Variants in PDE8B observed in about 807,000 individuals in gnomAD.
PDE8B encodes the protein phosphodiesterase 8B, also known as high affinity cAMP-specific and IBMX-insensitive 3',5'-cyclic phosphodiesterase 8B.
PDE8B carries 26 observed loss-of-function variants against 101.3 expected under a neutral mutation model. That is an observed-to-expected ratio of 0.26 (90% CI 0.19 to 0.36). The LOEUF (loss-of-function observed/expected upper bound fraction) is 0.36, where lower values mean the gene tolerates loss of function less well. PDE8B is among the 10% of genes least tolerant of loss of function. The pLI, the probability that PDE8B is intolerant of heterozygous loss-of-function variation, is 1.00. For synonymous variants in PDE8B, 424 were observed against 429.3 expected (o/e 0.99, Z 0.15); for missense variants, 810 against 1,163.1 (o/e 0.70, Z 4.42).
Position 77,329,265 on chromosome 5 carries a change from G to A in PDE8B, c.650+208G>A, listed in dbSNP as rs75875621. Among the ~76,000 whole-genome samples the A allele has an allele frequency of 5.1e-3, 773 of 152,162 alleles. 6 individuals are homozygous for A. Among genetic ancestry groups the A allele is most frequent in the African/African-American group, 0.018 (734 of 41,496 alleles). ...GTTTTTCTCTGTATCTTGTGTAATT[G>A]CCTTTAGCACCTAGTCATACACCTC... On this transcript the variant is annotated intron_variant, in intron 4 of 21. Transcript: ENST00000264917.
intron 10 of PDE8B, among the ~76,000 whole-genome samples, chr5:77,366,387 G>A (rs969139666): frequency 3.3e-5 from 5 of 152,240 alleles, no homozygotes; most frequent in African/African-American, 1.2e-4. Flanking sequence ...TTCTGGGTAA[G>A]CAGTTGAGGG....
At chr5:77,305,656 G>T (rs1214592800) in intron 1 of PDE8B, among the ~76,000 whole-genome samples, 1 of 152,166 alleles carries the variant, frequency 6.6e-6, no homozygotes, top group Non-Finnish European at 1.5e-5. Context: ...CATTAAAAAG[G>T]CAAAAGGCAG....
intron 1 of PDE8B, chr5:77,290,875 C>T: frequency 6.3e-7 from 1 of 1,593,212 alleles, no homozygotes; most frequent in South Asian, 1.1e-5. Context: ...GTGGCTGTCA[C>T]AAAGATAATA....
intron 5 of PDE8B, among the ~76,000 whole-genome samples, chr5:77,333,329 T>G (rs943080009): frequency 6.6e-6 from 1 of 152,214 alleles, no homozygotes; most frequent in African/African-American, 2.4e-5. Context: ...AAAGAAGCCA[T>G]GTGGTTGAGA....
the PDE8B span, among the ~76,000 whole-genome samples, chr5:77,158,723 C>A: frequency 6.6e-6 from 1 of 152,124 alleles, no homozygotes; most frequent in Non-Finnish European, 1.5e-5. Flanking sequence ...TCCAGGACTC[C>A]AGGTTTTCCT....
intron 2 of PDE8B, among the ~76,000 whole-genome samples, chr5:77,318,055 CAAAAAAAAA>C (rs55952764): frequency 7.3e-4 from 42 of 57,188 alleles, no homozygotes; most frequent in African/African-American, 2.9e-3. Context: ...GACTCCATCT[CAAAAAAAAA>C]AAAAAAAAAA....
intron 1 of PDE8B, among the ~76,000 whole-genome samples, chr5:77,221,621 A>G (rs1473743744): frequency 2.6e-5 from 4 of 152,182 alleles, no homozygotes; most frequent in Non-Finnish European, 5.9e-5. Context: ...GTGATATGCT[A>G]TCATTTTGTC....
At chr5:77,298,319 G>C (rs750803517) in intron 1 of PDE8B, among the ~76,000 whole-genome samples, 1 of 152,122 alleles carries the variant, frequency 6.6e-6, no homozygotes, top group Non-Finnish European at 1.5e-5. Flanking sequence ...AGGGCTGTGG[G>C]CTCAGCCACA....
intron 10 of PDE8B, among the ~76,000 whole-genome samples, chr5:77,369,195 C>G (rs1444318608): frequency 4.5e-5 from 5 of 112,020 alleles, no homozygotes; most frequent in Non-Finnish European, 8.5e-5. Context: ...AGAGCGAGTC[C>G]ACTGTCTCAA....
chr5:77,286,370 G>T (rs946903302), intron 1 of PDE8B, among the ~76,000 whole-genome samples: 3 of 152,156 alleles, frequency 2.0e-5, no homozygotes, highest in African/African-American at 7.2e-5. Flanking sequence ...TAGTAACTCT[G>T]GTTGCCCCAG....
At chr5:77,149,552 C>T in the PDE8B span, among the ~76,000 whole-genome samples, 1 of 152,156 alleles carries the variant, frequency 6.6e-6, no homozygotes, top group African/African-American at 2.4e-5. Flanking sequence ...TAACGTTTCA[C>T]AATTTTTAGC....
chr5:77,098,496 A>G, the PDE8B span, among the ~76,000 whole-genome samples: 8 of 151,976 alleles, frequency 5.3e-5, no homozygotes, highest in African/African-American at 1.7e-4. Context: ...GGGTCTCACT[A>G]TGTTTCCCAG....
At chr5:77,411,118 T>C (rs1198726693) in intron 14 of PDE8B, 1 of 155,808 alleles carries the variant, frequency 6.4e-6, no homozygotes, top group Admixed American at 6.3e-5. Context: ...CCAGAAACTC[T>C]TCTTTAAAAG....
the PDE8B span, among the ~76,000 whole-genome samples, chr5:77,181,442 A>T: frequency 6.6e-6 from 1 of 152,158 alleles, no homozygotes. Flanking sequence ...TGTGCTCCTA[A>T]GGACTGTTGG....
intron 1 of PDE8B, among the ~76,000 whole-genome samples, chr5:77,249,617 T>C (rs1194635122): frequency 6.6e-6 from 1 of 152,234 alleles, no homozygotes; most frequent in Non-Finnish European, 1.5e-5. Flanking sequence ...TTTTCTGAAG[T>C]AATGGATGTC....
At chr5:77,323,620 T>C (rs912674374) in intron 2 of PDE8B, among the ~76,000 whole-genome samples, 7 of 152,178 alleles carry the variant, frequency 4.6e-5, no homozygotes, top group Admixed American at 1.3e-4. Context: ...AGTTTCATTA[T>C]ATTATTGTTT....
the PDE8B span, among the ~76,000 whole-genome samples, chr5:77,128,922 C>T: frequency 2.0e-5 from 3 of 152,172 alleles, no homozygotes; most frequent in Non-Finnish European, 4.4e-5. Context: ...GTGGACTAAA[C>T]AAGAAACCTG....
the PDE8B span, chr5:77,088,934 A>G: frequency 2.0e-5 from 3 of 152,220 alleles, no homozygotes; most frequent in Admixed American, 1.3e-4. Context: ...CCTATCAACA[A>G]TAAGTGAGCT....
intron 6 of PDE8B, among the ~76,000 whole-genome samples, chr5:77,340,970 C>T (rs923129777): frequency 6.6e-6 from 1 of 152,162 alleles, no homozygotes; most frequent in South Asian, 2.1e-4. Context: ...AACTAGGTTA[C>T]TTTTCCCTTG....
Sources: allele counts gnomAD v4.1 joint callset (sites outside exome capture counted in the v4.1 genomes callset), GRCh38; gene constraint gnomAD v4.1.1; transcripts MANE v1.5; gene names NCBI Gene and HGNC (gene_info 2026-07-23, HGNC 2026-07-21).